SPECC1: variants seen among roughly 807,000 people sequenced by gnomAD.
SPECC1 encodes sperm antigen with calponin homology and coiled-coil domains 1, also known as cytospin-B.
SPECC1 carries 62 observed loss-of-function variants against 104.1 expected under a neutral mutation model. The ratio of observed to expected loss-of-function variants is 0.60; its 90% CI spans 0.49 to 0.74. The LOEUF (loss-of-function observed/expected upper bound fraction) is 0.74, where lower values mean the gene tolerates loss of function less well. Among genes scored for constraint, SPECC1 ranks in the 30% least tolerant of loss-of-function variants. The pLI is 0.00. For synonymous variants in SPECC1, 513 were observed against 501.6 expected, an observed-to-expected ratio of 1.02 and a Z score of -0.30; for missense variants, 1,306 against 1,310.5, an observed-to-expected ratio of 1.00 and a Z score of 0.05.
At chr17:20,197,417 A>G (rs558226210) in intron 3 of SPECC1, among the ~76,000 whole-genome samples, 1 of 152,288 alleles carries the variant, frequency 6.6e-6, no homozygotes, top group South Asian at 2.1e-4. Flanking sequence ...CAGATATTAA[A>G]CCAGAAACGA....
chr17:20,243,646 C>G (rs780547027), intron 7 of SPECC1, among the ~76,000 whole-genome samples: 3 of 152,100 alleles, frequency 2.0e-5, no homozygotes, highest in Non-Finnish European at 4.4e-5. Context: ...TTTTCTCATA[C>G]TGACTCTTAT....
At chr17:20,178,597 T>C (rs936295801) in intron 3 of SPECC1, among the ~76,000 whole-genome samples, 4 of 152,168 alleles carry the variant, frequency 2.6e-5, no homozygotes, top group African/African-American at 9.6e-5. Context: ...GATTTAAAAC[T>C]TTTACTAGAT....
intron 14 of SPECC1, among the ~76,000 whole-genome samples, chr17:20,307,305 A>G (rs1244731899): frequency 6.6e-6 from 1 of 152,150 alleles, no homozygotes; most frequent in African/African-American, 2.4e-5. Context: ...ACCACTCAGT[A>G]TTGTAATCAA....
At chr17:20,085,626 G>T (rs1321504087) in intron 1 of SPECC1, among the ~76,000 whole-genome samples, 5 of 152,260 alleles carry the variant, frequency 3.3e-5, no homozygotes, top group African/African-American at 4.8e-5. Flanking sequence ...AAGCACAGCA[G>T]TTGCTTTCAT....
intron 7 of SPECC1, among the ~76,000 whole-genome samples, chr17:20,241,206 C>T (rs1279723653): frequency 6.6e-6 from 1 of 152,182 alleles, no homozygotes; most frequent in Non-Finnish European, 1.5e-5. Flanking sequence ...TTCACCTGTA[C>T]CCAGTTTCTT....
intron 12 of SPECC1, among the ~76,000 whole-genome samples, chr17:20,291,917 TGTTGGAAACGATCTAGTATCC>T (rs146907341): frequency 0.093 from 13,908 of 150,052 alleles, 797 homozygotes; most frequent in Non-Finnish European, 0.13. Flanking sequence ...GTGGTCTTTC[TGTTGGAAACGATCTAGTATCC>T]GTCAGCATTG....
At chr17:20,091,047 T>G (rs562355317) in intron 1 of SPECC1, among the ~76,000 whole-genome samples, 47 of 152,364 alleles carry the variant, frequency 3.1e-4, no homozygotes, top group African/African-American at 1.1e-3. Context: ...TGGTTAGCGA[T>G]GTACAAATGT....
At chr17:20,021,569 A>G (rs984991190) in intron 1 of SPECC1, among the ~76,000 whole-genome samples, 23 of 151,506 alleles carry the variant, frequency 1.5e-4, no homozygotes, top group African/African-American at 4.6e-4. Flanking sequence ...GTGTGTGCCT[A>G]TACTTAATAT....
chr17:20,237,315 G>T (rs865802064), intron 7 of SPECC1: 411 of 910,192 alleles, frequency 4.5e-4, no homozygotes, highest in African/African-American at 1.6e-3. Flanking sequence ...GTTTTGTTTT[G>T]TTTTTTTTTT....
chr17:20,120,142 C>T (rs560954143), intron 3 of SPECC1, among the ~76,000 whole-genome samples: 4 of 152,332 alleles, frequency 2.6e-5, no homozygotes, highest in Non-Finnish European at 5.9e-5. Flanking sequence ...AATCCCAGCA[C>T]TCTGGGAGGC....
intron 3 of SPECC1, among the ~76,000 whole-genome samples, chr17:20,119,673 T>G (rs1043524733): frequency 6.6e-6 from 1 of 152,264 alleles, no homozygotes; most frequent in African/African-American, 2.4e-5. Flanking sequence ...GACAGACCAT[T>G]AGGAGCAGTG....
rs1459630341 is a variant in SPECC1, at chr17:20,257,458, A to G, written c.2688A>G (p.Leu896=). Residue 896 remains leucine (L), a synonymous_variant, in exon 11 of 15, where the codon CTA becomes CTG. Coordinates refer to ENST00000395527, the MANE Select transcript of SPECC1 (RefSeq NM_001243439.2). ...ATGTGGTTGTTCCCACAGATATTCT[A>G]AAGGGAAGGACTGAGACCCTGAAGC... ...DLPDLPLSDI[L]KGRTETLKPD... is the part of the protein sequence containing the mutation. 1.1e-5 allele frequency: 17 copies of G among 1,572,078 alleles called. No individual in the cohort carries two copies. Among genetic ancestry groups the G allele is most frequent in the East Asian group, 4.5e-5 (2 of 44,248 alleles).
chr17:20,259,622 C>T (rs1361250043), intron 11 of SPECC1, among the ~76,000 whole-genome samples: 2 of 152,100 alleles, frequency 1.3e-5, no homozygotes, highest in Non-Finnish European at 2.9e-5. Context: ...CCTCCCTTCT[C>T]AGCCTCCTGA....
At chr17:20,261,584 C>T (rs1228697962) in intron 12 of SPECC1, among the ~76,000 whole-genome samples, 1 of 151,556 alleles carries the variant, frequency 6.6e-6, no homozygotes, top group Non-Finnish European at 1.5e-5. Flanking sequence ...TGCTGAATTA[C>T]CCTCCTGAAG....
chr17:20,152,030 G>A (rs1407759732), intron 3 of SPECC1, among the ~76,000 whole-genome samples: 2 of 151,986 alleles, frequency 1.3e-5, no homozygotes, highest in African/African-American at 4.8e-5. Flanking sequence ...GCTGGGCCTG[G>A]TGGCTCATGC....
intron 6 of SPECC1, 39 bp downstream of exon 6, chr17:20,231,870 T>C (rs1407900087): frequency 6.3e-7 from 1 of 1,591,042 alleles, no homozygotes; most frequent in Non-Finnish European, 8.6e-7. Flanking sequence ...CATCTTCCTA[T>C]GAATTACCCG....
intron 3 of SPECC1, among the ~76,000 whole-genome samples, chr17:20,133,718 A>C (rs2049776098): frequency 6.6e-6 from 1 of 152,164 alleles, no homozygotes; most frequent in Non-Finnish European, 1.5e-5. Context: ...GGAAAATGGA[A>C]CTTGGCACCT....
intron 9 of SPECC1, among the ~76,000 whole-genome samples, chr17:20,249,597 G>A (rs2039547925): frequency 6.6e-6 from 1 of 152,122 alleles, no homozygotes; most frequent in Admixed American, 6.5e-5. Flanking sequence ...TGACAAGGTA[G>A]AGAATTTCAG....
intron 12 of SPECC1, among the ~76,000 whole-genome samples, chr17:20,274,470 C>A: frequency 6.6e-6 from 1 of 150,842 alleles, no homozygotes; most frequent in African/African-American, 2.4e-5. Flanking sequence ...TAAACTATTA[C>A]ACATAACAAT....
Sources: allele counts gnomAD v4.1 joint callset (sites outside exome capture counted in the v4.1 genomes callset), GRCh38; gene constraint gnomAD v4.1.1; transcripts MANE v1.5; gene names NCBI Gene and HGNC (gene_info 2026-07-23, HGNC 2026-07-21).